NF1: variants seen among roughly 807,000 people sequenced by gnomAD.
The protein encoded by NF1 is neurofibromin 1, also known as neurofibromin.
NF1 carries 122 observed loss-of-function variants against 325.7 expected under a neutral mutation model. The ratio of observed to expected loss-of-function variants is 0.37; its 90% CI spans 0.32 to 0.44. The LOEUF is 0.44. Ranked by LOEUF, NF1 falls within the 20% of genes least tolerant of loss-of-function variation. NF1 has a pLI of 1.00. For synonymous variants in NF1, 1,091 were observed against 1,186.0 expected, an observed-to-expected ratio of 0.92 and a Z score of 1.65; for missense variants, 2,140 against 3,415.4, an observed-to-expected ratio of 0.63 and a Z score of 9.31.
intron 37 of NF1, 62 bp downstream of exon 37, chr17:31,326,314 C>G (rs2151539363): frequency 6.6e-7 from 1 of 1,513,070 alleles, no homozygotes; most frequent in Admixed American, 1.7e-5. Context: ...TAGACTATAT[C>G]CTGGCCTCCC....
intron 46 of NF1, among the ~76,000 whole-genome samples, chr17:31,339,654 A>C (rs1251715036): frequency 2.0e-5 from 3 of 152,222 alleles, no homozygotes; most frequent in African/African-American, 7.2e-5. Flanking sequence ...AACTTGCCCA[A>C]AGTCACATAC....
At chr17:31,211,779 G>T (rs182398302) in intron 12 of NF1, among the ~76,000 whole-genome samples, 9 of 152,334 alleles carry the variant, frequency 5.9e-5, no homozygotes, top group African/African-American at 2.2e-4. Context: ...CACAAATGGA[G>T]TTTGCAGGAC....
intron 14 of NF1, among the ~76,000 whole-genome samples, chr17:31,219,965 G>T (rs568074418): frequency 8.5e-5 from 13 of 152,168 alleles, no homozygotes; most frequent in Middle Eastern, 3.4e-3. Context: ...GTTGGTGGAC[G>T]TTTGGTGTTG....
chr17:31,172,782 A>G (rs2065951979), intron 5 of NF1, among the ~76,000 whole-genome samples: 1 of 152,190 alleles, frequency 6.6e-6, no homozygotes, highest in African/African-American at 2.4e-5. Flanking sequence ...AAGTGATAGA[A>G]AGGCTTTGAG....
At chr17:31,222,473 G>T (rs1166123472) in intron 15 of NF1, 1 of 1,031,312 alleles carries the variant, frequency 9.7e-7, no homozygotes, top group African/African-American at 1.7e-5. Context: ...AAATGTAAAT[G>T]TGTAAACCTC....
At chr17:31,324,827 G>T (rs2069301869) in intron 36 of NF1, among the ~76,000 whole-genome samples, 1 of 152,188 alleles carries the variant, frequency 6.6e-6, no homozygotes, top group South Asian at 2.1e-4. Flanking sequence ...CTCCCAGAGT[G>T]CTGGGAATAC....
intron 5 of NF1, among the ~76,000 whole-genome samples, chr17:31,177,191 G>A (rs2066039729): frequency 6.6e-6 from 1 of 152,012 alleles, no homozygotes; most frequent in Non-Finnish European, 1.5e-5. Flanking sequence ...TCTGGCAGGT[G>A]CCCCTCTGGG....
chr17:31,102,930 C>A (rs1912485171), intron 1 of NF1, among the ~76,000 whole-genome samples: 1 of 151,830 alleles, frequency 6.6e-6, no homozygotes, highest in African/African-American at 2.4e-5. Context: ...ACTGCAAGCT[C>A]CACCTTCTGG....
At chr17:31,330,572 AT>A (rs2069457422) in intron 39 of NF1, 74 bp downstream of exon 39, 2 of 1,173,448 alleles carry the variant, frequency 1.7e-6, no homozygotes, top group Non-Finnish European at 2.5e-6. Flanking sequence ...TCATTTCAGA[AT>A]TTTCCAGTGA....
At position 31,260,447 on chromosome 17, in the gene NF1, T is replaced by C; in HGVS notation, c.4509T>C (p.Asn1503=). The C allele has an allele frequency of 6.2e-7, 1 of 1,614,072 alleles. No individual in the cohort carries two copies. The highest frequency in any genetic ancestry group is 8.5e-7 in the Non-Finnish European group (1 of 1,179,970). The change falls in exon 34 of 58, where the codon AAT becomes AAC. Residue 1503 remains asparagine (N), a synonymous_variant. Transcript: ENST00000358273. ...NHSLSFISDG[N]VLALHRLLWN... is the part of the protein sequence containing the mutation. Reference sequence around the variant, plus strand: ...GTCTTTCCTTCATAAGTGACGGCAATGTGCTTGCTTTACATCGTCTACTCT... The same window carrying C: ...GTCTTTCCTTCATAAGTGACGGCAACGTGCTTGCTTTACATCGTCTACTCT...
intron 36 of NF1, chr17:31,318,984 A>G (rs754064499): frequency 2.6e-5 from 42 of 1,611,688 alleles, no homozygotes; most frequent in Non-Finnish European, 3.4e-5. Context: ...GATGTAGGTA[A>G]TGTCCTGTGT....
rs2143873387 is a variant in NF1 at position 31,200,517 on chromosome 17, T to C, written c.984T>C (p.Cys328=). ...ESAAIACVKL[C]KASTYINWED... ...CTGCAATTGCCTGTGTCAAACTGTG[T>C]AAAGCAAGTACTTACATCAATTGGG... is the stretch of plus-strand genomic sequence containing the variant. The change falls in exon 9 of 58, where the codon TGT becomes TGC. Residue 328 remains cysteine (C), a synonymous_variant. Transcript: ENST00000358273. The C allele has an allele frequency of 6.2e-7, 1 of 1,614,210 alleles. No individual in the cohort carries two copies. Among genetic ancestry groups the C allele is most frequent in the Non-Finnish European group, 8.5e-7 (1 of 1,180,022 alleles).
chr17:31,173,554 C>T (rs560127174), intron 5 of NF1, among the ~76,000 whole-genome samples: 3 of 150,170 alleles, frequency 2.0e-5, no homozygotes, highest in South Asian at 2.1e-4. Context: ...GCCGAGATCA[C>T]GCCATTGCAC....
chr17:31,172,784 G>A (rs1185535275), intron 5 of NF1, among the ~76,000 whole-genome samples: 2 of 152,194 alleles, frequency 1.3e-5, no homozygotes, highest in Non-Finnish European at 2.9e-5. Context: ...GTGATAGAAA[G>A]GCTTTGAGGT....
intron 1 of NF1, among the ~76,000 whole-genome samples, chr17:31,100,008 TAAAA>T (rs71142016): frequency 7.6e-6 from 1 of 130,790 alleles, no homozygotes; most frequent in Non-Finnish European, 1.6e-5. Flanking sequence ...ATATTTGAAC[TAAAA>T]AAAAAAAAAA....
In NF1 at chr17:31,123,910, TTA is replaced by T. The variant is rs528042628; in HGVS notation, c.60+28545_60+28546del. Among the ~76,000 whole-genome samples, 35 of 152,310 alleles carry T rather than the reference TTA, an allele frequency of 2.3e-4. 1 individual carries two copies. In the South Asian group the frequency reaches 5.8e-3, roughly 25 times the overall value. Reference sequence around the variant, plus strand: ...TCTCTTTTCTATTATTTTTGTCTCTTTATATGTTTATGTGTTAGGGGGAGAAG... The same window carrying T: ...TCTCTTTTCTATTATTTTTGTCTCTTTATGTTTATGTGTTAGGGGGAGAAG... On this transcript the variant is annotated intron_variant, in intron 1 of 57. Coordinates refer to ENST00000358273, the MANE Select transcript of NF1 (RefSeq NM_001042492.3).
rs1380138450 is a variant in NF1, at chr17:31,225,294, G to C, written c.2001+44G>C. Reference sequence around the variant, plus strand: ...TTTTCTGTATCATTTTATGTGCTCTGTTTGTTTTCTGAATGAAATTTGGTA... The same window carrying C: ...TTTTCTGTATCATTTTATGTGCTCTCTTTGTTTTCTGAATGAAATTTGGTA... On this transcript the variant is annotated intron_variant, in intron 17 of 57. Coordinates refer to ENST00000358273, the MANE Select transcript of NF1 (RefSeq NM_001042492.3). The C allele has an allele frequency of 1.9e-6, 3 of 1,604,028 alleles. No homozygotes were observed. In the African/African-American group the frequency reaches 4.0e-5, roughly 21 times the overall value.
intron 35 of NF1, among the ~76,000 whole-genome samples, chr17:31,262,935 C>T (rs1181464174): frequency 6.6e-6 from 1 of 152,080 alleles, no homozygotes; most frequent in Non-Finnish European, 1.5e-5. Context: ...ATAACCCCAA[C>T]ATTTTGAGAG....
chr17:31,116,374 C>T lies in NF1; in HGVS notation c.60+21005C>T, dbSNP rs1417611169. Among the ~76,000 whole-genome samples the T allele has an allele frequency of 2.0e-5, 3 of 152,080 alleles. No individual in the cohort carries two copies. In the East Asian group the frequency reaches 5.8e-4, roughly 29 times the overall value. The stretch of plus-strand genomic sequence containing the variant: ...CCAGGGTTAGCAATTTTTATGCTAA[C>T]CCTGCATAAAAATTGTGCGTGGTGG... On this transcript the variant is annotated intron_variant, in intron 1 of 57. Transcript: ENST00000358273.
Sources: allele counts gnomAD v4.1 joint callset (sites outside exome capture counted in the v4.1 genomes callset), GRCh38; gene constraint gnomAD v4.1.1; transcripts MANE v1.5; gene names NCBI Gene and HGNC (gene_info 2026-07-23, HGNC 2026-07-21).